DNAAF11: variants seen among roughly 807,000 people sequenced by gnomAD.
DNAAF11 encodes the protein dynein axonemal assembly factor 11.
DNAAF11 carries 45 observed loss-of-function variants against 60.8 expected under a neutral mutation model. The observed-to-expected ratio is 0.74, with a 90% CI of 0.58 to 0.95. The LOEUF is 0.95. Among genes scored for constraint, DNAAF11 ranks in the 40% least tolerant of loss-of-function variants. The pLI is 0.00. For missense variants in DNAAF11, 546 were observed against 546.2 expected (o/e 1.00, Z 0.00); for synonymous variants, 191 against 183.5 (o/e 1.04, Z -0.33).
intron 7 of DNAAF11, 65 bp from the exon 8 acceptor site, chr8:132,615,162 C>A (rs1480907947): frequency 2.3e-6 from 2 of 875,956 alleles, no homozygotes; most frequent in African/African-American, 1.7e-5. Context: ...AAAACCCCAT[C>A]ATAAATTCAT....
chr8:132,583,411 C>G (rs1226402498), intron 11 of DNAAF11, among the ~76,000 whole-genome samples: 1 of 152,060 alleles, frequency 6.6e-6, no homozygotes, highest in East Asian at 1.9e-4. Flanking sequence ...GCACCTGACA[C>G]GAAGCAAGCA....
chr8:132,595,705 G>A (rs1816943401), intron 10 of DNAAF11, among the ~76,000 whole-genome samples: 1 of 151,982 alleles, frequency 6.6e-6, no homozygotes, highest in South Asian at 2.1e-4. Context: ...TCTTTACATT[G>A]TGTTCTATTT....
At chr8:132,604,462 T>C (rs1168763254) in intron 10 of DNAAF11, among the ~76,000 whole-genome samples, 3 of 152,280 alleles carry the variant, frequency 2.0e-5, no homozygotes, top group South Asian at 2.1e-4. Flanking sequence ...CTCAGTTAAT[T>C]ATTCTGAAGA....
intron 3 of DNAAF11, among the ~76,000 whole-genome samples, chr8:132,646,304 C>G: frequency 6.6e-6 from 1 of 152,134 alleles, no homozygotes; most frequent in Non-Finnish European, 1.5e-5. Context: ...TTTGTCACCA[C>G]CAGGCCTGCC....
intron 11 of DNAAF11, among the ~76,000 whole-genome samples, chr8:132,573,958 T>C (rs182899296): frequency 5.3e-5 from 8 of 152,292 alleles, no homozygotes; most frequent in Admixed American, 1.3e-4. Flanking sequence ...AAAAGGGGCT[T>C]GTGTAGCCTC....
chr8:132,618,601 G>GA (rs1819426018), intron 7 of DNAAF11, among the ~76,000 whole-genome samples: 1 of 131,638 alleles, frequency 7.6e-6, no homozygotes, highest in East Asian at 2.1e-4. Flanking sequence ...AAATTTACAA[G>GA]AAAAAAACAA....
chr8:132,640,820 A>G (rs1175604524), intron 3 of DNAAF11, among the ~76,000 whole-genome samples: 1 of 152,164 alleles, frequency 6.6e-6, no homozygotes. Flanking sequence ...AAGAATAGAT[A>G]AAAGTAGGAA....
intron 3 of DNAAF11, among the ~76,000 whole-genome samples, chr8:132,640,895 A>C (rs924986220): frequency 6.6e-6 from 1 of 152,194 alleles, no homozygotes; most frequent in Admixed American, 6.5e-5. Context: ...AAGAAAGATA[A>C]GAACATTTTA....
chr8:132,650,029 A>G (rs913671440), intron 3 of DNAAF11, among the ~76,000 whole-genome samples: 1 of 152,246 alleles, frequency 6.6e-6, no homozygotes, highest in Non-Finnish European at 1.5e-5. Flanking sequence ...TATATACCCA[A>G]AGGATTATAA....
intron 11 of DNAAF11, among the ~76,000 whole-genome samples, chr8:132,573,115 C>CAGATATAGATAT (rs900985379): frequency 6.6e-5 from 10 of 151,890 alleles, no homozygotes; most frequent in Middle Eastern, 6.8e-3. Flanking sequence ...GATATAGATA[C>CAGATATAGATAT]AGATATAGAT....
At chr8:132,690,249 A>G in the DNAAF11 span, among the ~76,000 whole-genome samples, 1 of 152,102 alleles carries the variant, frequency 6.6e-6, no homozygotes, top group African/African-American at 2.4e-5. Flanking sequence ...TGTAATCCCC[A>G]CATGTCGAGG....
intron 1 of DNAAF11, among the ~76,000 whole-genome samples, chr8:132,668,350 G>C (rs1824839131): frequency 6.6e-6 from 1 of 152,204 alleles, no homozygotes; most frequent in South Asian, 2.1e-4. Context: ...GGCACTGAGA[G>C]AAGAACATAG....
the DNAAF11 span, among the ~76,000 whole-genome samples, chr8:132,699,146 AG>A: frequency 6.6e-6 from 1 of 151,526 alleles, no homozygotes; most frequent in African/African-American, 2.4e-5. Flanking sequence ...AAAAAAAAAA[AG>A]AATGATAATT....
rs374665968 is a variant in DNAAF11 at position 132,660,974 on chromosome 8, A to T, written c.178+486T>A. ...TGACCTGATCCCTGCATTTACCTCT[A>T]ATTTCCATTCCAAATCGGAAGCCCC... On this transcript the variant is annotated intron_variant, in intron 2 of 11. Coordinates refer to ENST00000620350, the MANE Select transcript of DNAAF11 (RefSeq NM_012472.6). 2.0e-5 allele frequency among the ~76,000 whole-genome samples: 3 copies of T among 152,154 alleles called. No individual in the cohort carries two copies. In the East Asian group the frequency reaches 5.8e-4, roughly 29 times the overall value.
intron 10 of DNAAF11, among the ~76,000 whole-genome samples, chr8:132,591,149 T>C (rs1311194667): frequency 2.0e-5 from 3 of 152,206 alleles, no homozygotes; most frequent in Admixed American, 6.5e-5. Context: ...TTGATATGTG[T>C]CAATAATTTT....
intron 7 of DNAAF11, among the ~76,000 whole-genome samples, chr8:132,620,506 TG>T (rs566042401): frequency 1.3e-5 from 2 of 152,098 alleles, no homozygotes; most frequent in Non-Finnish European, 2.9e-5. Flanking sequence ...GGCTAATTTT[TG>T]TATTTTCAGT....
chr8:132,611,036 G>C (rs896112939), intron 9 of DNAAF11, among the ~76,000 whole-genome samples: 9 of 151,884 alleles, frequency 5.9e-5, no homozygotes, highest in South Asian at 4.2e-4. Context: ...CTGGGATTAC[G>C]GGCATGAGCC....
intron 10 of DNAAF11, among the ~76,000 whole-genome samples, chr8:132,603,592 G>A (rs1211368836): frequency 6.6e-6 from 1 of 151,880 alleles, no homozygotes; most frequent in East Asian, 1.9e-4. Context: ...AGATGTTTTA[G>A]TGGGGGGTGG....
intron 1 of DNAAF11, among the ~76,000 whole-genome samples, chr8:132,670,341 T>C (rs1328621203): frequency 6.6e-6 from 1 of 152,180 alleles, no homozygotes; most frequent in East Asian, 1.9e-4. Context: ...ACAGATATTA[T>C]AGGTAACTTT....
Sources: gnomAD v4.1 joint callset for allele counts (sites outside exome capture counted in the v4.1 genomes callset) on GRCh38, gnomAD v4.1.1 for gene constraint, MANE v1.5 for transcripts, NCBI Gene and HGNC (gene_info 2026-07-23, HGNC 2026-07-21) for gene names.